The following SPMIP4 variants were observed in gnomAD, a reference collection of about 807,000 sequenced individuals.
The protein encoded by SPMIP4 is sperm microtubule inner protein 4, also known as sperm-associated microtubule inner protein 4.
At chr7:25,153,116 T>C in the SPMIP4 span, among the ~76,000 whole-genome samples, 1 of 152,192 alleles carries the variant, frequency 6.6e-6, no homozygotes, top group Non-Finnish European at 1.5e-5. Flanking sequence ...TACTAGTTCC[T>C]GGAAAGATTT....
the SPMIP4 span, among the ~76,000 whole-genome samples, chr7:25,168,873 G>A: frequency 2.0e-5 from 3 of 151,512 alleles, no homozygotes; most frequent in Non-Finnish European, 4.4e-5. Context: ...TTACAGGGGC[G>A]TGCCATCACA....
chr7:25,135,919 ATAT>A, the SPMIP4 span: 1 of 1,525,488 alleles, frequency 6.6e-7, no homozygotes, highest in Non-Finnish European at 8.8e-7. Context: ...AAATTCTGTT[ATAT>A]TTTTTAGCTT....
the SPMIP4 span, among the ~76,000 whole-genome samples, chr7:25,158,827 G>C: frequency 6.6e-6 from 1 of 151,120 alleles, no homozygotes; most frequent in Admixed American, 6.6e-5. Context: ...GGTGGAGGTT[G>C]CTGGGTGACA....
At chr7:25,166,080 G>A in the SPMIP4 span, among the ~76,000 whole-genome samples, 1 of 152,118 alleles carries the variant, frequency 6.6e-6, no homozygotes, top group African/African-American at 2.4e-5. Context: ...TTGCAGGAGA[G>A]GTGTCCAGTT....
chr7:25,142,917 C>A, the SPMIP4 span: 1 of 810,218 alleles, frequency 1.2e-6, no homozygotes. Flanking sequence ...TCCAGGCTGA[C>A]GTCAGAATGG....
chr7:25,141,757 A>G, the SPMIP4 span, among the ~76,000 whole-genome samples: 1 of 150,376 alleles, frequency 6.6e-6, no homozygotes, highest in African/African-American at 2.4e-5. Context: ...CTTTTTTTTG[A>G]GACGTAGTCT....
At chr7:25,152,326 A>G in the SPMIP4 span, among the ~76,000 whole-genome samples, 6 of 152,382 alleles carry the variant, frequency 3.9e-5, no homozygotes, top group South Asian at 1.0e-3. Context: ...TTTGTTTTAT[A>G]TCTGATAAGC....
At chr7:25,149,819 A>G in the SPMIP4 span, among the ~76,000 whole-genome samples, 2 of 152,302 alleles carry the variant, frequency 1.3e-5, no homozygotes, top group South Asian at 4.1e-4. Context: ...TACAGGACAG[A>G]TTTTTAGTGA....
At chr7:25,145,272 C>T in the SPMIP4 span, among the ~76,000 whole-genome samples, 2 of 152,024 alleles carry the variant, frequency 1.3e-5, no homozygotes, top group Non-Finnish European at 2.9e-5. Context: ...CCAAGAAGGA[C>T]TTTTAAAAAA....
At chr7:25,137,091 A>C in the SPMIP4 span, among the ~76,000 whole-genome samples, 2 of 152,202 alleles carry the variant, frequency 1.3e-5, no homozygotes, top group Non-Finnish European at 2.9e-5. Flanking sequence ...CACTGGAATA[A>C]AACTTCTGTC....
At chr7:25,136,165 C>G in the SPMIP4 span, 19 of 1,614,188 alleles carry the variant, frequency 1.2e-5, no homozygotes, top group Non-Finnish European at 1.5e-5. The surrounding 1 kb of genome is among the most constrained non-coding windows in gnomAD (Gnocchi z 5.7). Context: ...AGGAATCCAA[C>G]CAAGAACAGG....
At chr7:25,134,363 A>C in the SPMIP4 span, among the ~76,000 whole-genome samples, 1 of 151,782 alleles carries the variant, frequency 6.6e-6, no homozygotes, top group Non-Finnish European at 1.5e-5. Flanking sequence ...CCAAAAAAAC[A>C]AAAACAAAAA....
At chr7:25,157,112 T>C in the SPMIP4 span, among the ~76,000 whole-genome samples, 927 of 151,856 alleles carry the variant, frequency 6.1e-3, 11 homozygotes, top group African/African-American at 0.021. Flanking sequence ...CAAAAGAATA[T>C]AGGAGCGAAC....
chr7:25,161,060 T>A, the SPMIP4 span: 2 of 565,966 alleles, frequency 3.5e-6, no homozygotes, highest in Non-Finnish European at 6.3e-6. Context: ...TGGCATTGTC[T>A]CTATTTTAAA....
At chr7:25,171,655 T>C in the SPMIP4 span, among the ~76,000 whole-genome samples, 5 of 152,124 alleles carry the variant, frequency 3.3e-5, 1 homozygote, top group South Asian at 8.3e-4. Context: ...AGAGGGTAAA[T>C]AGGAACCCAG....
the SPMIP4 span, among the ~76,000 whole-genome samples, chr7:25,141,526 C>T: frequency 4.4e-4 from 58 of 132,036 alleles, no homozygotes; most frequent in Middle Eastern, 4.7e-3. Context: ...GAGCTGAGAT[C>T]GTGCCACCGT....
chr7:25,176,192 A>G, the SPMIP4 span, among the ~76,000 whole-genome samples: 1 of 152,226 alleles, frequency 6.6e-6, no homozygotes, highest in Non-Finnish European at 1.5e-5. The surrounding 1 kb of genome is among the most constrained non-coding windows in gnomAD (Gnocchi z 4.4). Flanking sequence ...GGAGCTGATC[A>G]CTAACCAACT....
At chr7:25,134,333 TAAA>T in the SPMIP4 span, among the ~76,000 whole-genome samples, 27,820 of 129,850 alleles carry the variant, frequency 0.21, 3,514 homozygotes, top group African/African-American at 0.39. Flanking sequence ...ACACATTTTG[TAAA>T]AAAAAAAAAA....
At chr7:25,174,208 C>G in the SPMIP4 span, among the ~76,000 whole-genome samples, 1 of 151,774 alleles carries the variant, frequency 6.6e-6, no homozygotes, top group Non-Finnish European at 1.5e-5. The surrounding 1 kb of genome is among the most constrained non-coding windows in gnomAD (Gnocchi z 4.5). Context: ...CTCCGTCTCC[C>G]TTTCTCTCTC....
Sources: allele counts gnomAD v4.1 joint callset (sites outside exome capture counted in the v4.1 genomes callset), GRCh38; gene constraint gnomAD v4.1.1; non-coding constraint Gnocchi (gnomAD v3.1); transcripts MANE v1.5; gene names NCBI Gene and HGNC (gene_info 2026-07-23, HGNC 2026-07-21).